Variants in SORCS1 observed in about 807,000 individuals in gnomAD.
The protein encoded by SORCS1 is sortilin related VPS10 domain containing receptor 1, also known as VPS10 domain-containing receptor SorCS1.
SORCS1 carries 60 observed loss-of-function variants against 146.1 expected under a neutral mutation model. The ratio of observed to expected loss-of-function variants is 0.41; its 90% CI spans 0.33 to 0.51. The LOEUF is 0.51. Ranked by LOEUF, SORCS1 falls within the 20% of genes least tolerant of loss-of-function variation. The pLI is 0.21. For synonymous variants in SORCS1, 637 were observed against 584.0 expected (o/e 1.09, Z -1.31); for missense variants, 1,352 against 1,487.6 (o/e 0.91, Z 1.50).
intron 5 of SORCS1, among the ~76,000 whole-genome samples, chr10:106,734,875 T>A (rs529901646): frequency 6.8e-4 from 104 of 152,276 alleles, no homozygotes; most frequent in Non-Finnish European, 1.2e-3. Context: ...TATGCTGGTA[T>A]TAAAAAACTC....
At chr10:107,007,717 C>T (rs1957515385) in intron 1 of SORCS1, among the ~76,000 whole-genome samples, 1 of 152,218 alleles carries the variant, frequency 6.6e-6, no homozygotes, top group Non-Finnish European at 1.5e-5. Context: ...AAAACTCAGA[C>T]CTGTGTTTGT....
At chr10:106,940,170 C>A (rs1469164626) in intron 2 of SORCS1, among the ~76,000 whole-genome samples, 2 of 152,206 alleles carry the variant, frequency 1.3e-5, no homozygotes, top group African/African-American at 4.8e-5. Context: ...CTGTCACCTC[C>A]CTCAAGTGCA....
intron 1 of SORCS1, among the ~76,000 whole-genome samples, chr10:107,125,886 G>C (rs891652232): frequency 6.6e-6 from 1 of 152,102 alleles, no homozygotes; most frequent in Non-Finnish European, 1.5e-5. Context: ...CATCATTATG[G>C]GAAATGCTTC....
At chr10:106,788,046 G>A (rs1338560761) in intron 3 of SORCS1, among the ~76,000 whole-genome samples, 1 of 152,156 alleles carries the variant, frequency 6.6e-6, no homozygotes, top group East Asian at 1.9e-4. Flanking sequence ...GCCTTTGAAA[G>A]TCTTGGCTTA....
chr10:106,722,724 G>A (rs1855870827), intron 6 of SORCS1, among the ~76,000 whole-genome samples: 1 of 152,146 alleles, frequency 6.6e-6, no homozygotes, highest in Non-Finnish European at 1.5e-5. Flanking sequence ...TGCGGGTTGG[G>A]CCTTTTATTT....
At chr10:106,759,314 T>TC (rs1231286788) in intron 5 of SORCS1, among the ~76,000 whole-genome samples, 3 of 152,272 alleles carry the variant, frequency 2.0e-5, no homozygotes, top group African/African-American at 7.2e-5. Flanking sequence ...TCCTAAAAGG[T>TC]CACTGTCACA....
intron 5 of SORCS1, among the ~76,000 whole-genome samples, chr10:106,754,205 G>C (rs1297504200): frequency 6.6e-6 from 1 of 152,198 alleles, no homozygotes; most frequent in Admixed American, 6.5e-5. Flanking sequence ...TTAATGCTAG[G>C]AGTTTTTCTG....
At chr10:106,638,593 A>G (rs1034190991) in intron 18 of SORCS1, among the ~76,000 whole-genome samples, 1 of 152,206 alleles carries the variant, frequency 6.6e-6, no homozygotes, top group Admixed American at 6.5e-5. Flanking sequence ...AGCATTATGC[A>G]GTCAATATGT....
At chr10:107,071,954 C>T (rs1198136686) in intron 1 of SORCS1, among the ~76,000 whole-genome samples, 2 of 152,144 alleles carry the variant, frequency 1.3e-5, no homozygotes, top group African/African-American at 4.8e-5. Flanking sequence ...AGAGGAGAGA[C>T]CCAATGAGGT....
chr10:107,003,503 T>C (rs185295483), intron 1 of SORCS1, among the ~76,000 whole-genome samples: 365 of 151,582 alleles, frequency 2.4e-3, no homozygotes, highest in Non-Finnish European at 3.5e-3. Context: ...TCCTCTTAGC[T>C]ATCTCATACA....
chr10:106,957,494 A>G (rs993187439), intron 1 of SORCS1, among the ~76,000 whole-genome samples: 1 of 151,928 alleles, frequency 6.6e-6, no homozygotes, highest in African/African-American at 2.4e-5. Context: ...CTTAAATGTT[A>G]ATTCCTTCCC....
chr10:106,898,655 G>T (rs1445840126), intron 2 of SORCS1, among the ~76,000 whole-genome samples: 4 of 152,188 alleles, frequency 2.6e-5, no homozygotes, highest in South Asian at 2.1e-4. Context: ...GCTGACAGCA[G>T]CTGGAGCCAG....
intron 25 of SORCS1, 90 bp downstream of exon 25, chr10:106,579,279 C>A: frequency 6.2e-7 from 1 of 1,614,088 alleles, no homozygotes; most frequent in South Asian, 1.1e-5. Context: ...ACCATCACTG[C>A]TATGCACATC....
chr10:106,902,752 T>C (rs1434865351), intron 2 of SORCS1, among the ~76,000 whole-genome samples: 2 of 152,204 alleles, frequency 1.3e-5, no homozygotes, highest in Non-Finnish European at 2.9e-5. Flanking sequence ...CTATAGGTGG[T>C]TATTCCTGCA....
At chr10:106,884,635 A>G (rs886640742) in intron 2 of SORCS1, among the ~76,000 whole-genome samples, 1 of 152,216 alleles carries the variant, frequency 6.6e-6, no homozygotes, top group Admixed American at 6.5e-5. Flanking sequence ...AGCCCATACC[A>G]GACAAATTAA....
intron 7 of SORCS1, among the ~76,000 whole-genome samples, 188 bp from the exon 8 acceptor site, chr10:106,706,822 G>A (rs1040834703): frequency 1.3e-5 from 2 of 152,162 alleles, no homozygotes; most frequent in Admixed American, 6.5e-5. Context: ...GCTGGTCAGC[G>A]GCCCAAACTG....
chr10:106,825,414 G>A (rs1175112439), intron 3 of SORCS1, among the ~76,000 whole-genome samples: 1 of 151,756 alleles, frequency 6.6e-6, no homozygotes, highest in Non-Finnish European at 1.5e-5. Flanking sequence ...TGGGACTACA[G>A]GCACCCGCCA....
intron 1 of SORCS1, among the ~76,000 whole-genome samples, chr10:107,135,380 C>A (rs1474385802): frequency 2.6e-5 from 4 of 152,198 alleles, no homozygotes; most frequent in African/African-American, 9.6e-5. Context: ...CTGATATCCT[C>A]TTCTCATTAA....
rs372789294 is a variant in SORCS1, at chr10:106,962,389, C to T, written c.559-5809G>A. Among the ~76,000 whole-genome samples the T allele has an allele frequency of 1.4e-3, 69 of 50,122 alleles. 1 individual carries two copies. The highest frequency in any genetic ancestry group is 5.1e-3 in the African/African-American group (68 of 13,464). The allele number at this position is 50,122 out of a possible 152,430, so 32.9% of individuals were successfully genotyped here. On this transcript the variant is annotated intron_variant, in intron 1 of 25. Coordinates refer to ENST00000263054, the MANE Select transcript of SORCS1 (RefSeq NM_052918.5). ...AGCCTGGGCAACAAGAGCAAAACTC[C>T]ATCTCAAAAAAAAAAAAAAAAAAAA...
Sources: gnomAD v4.1 joint callset for allele counts (sites outside exome capture counted in the v4.1 genomes callset) on GRCh38, gnomAD v4.1.1 for gene constraint, MANE v1.5 for transcripts, NCBI Gene and HGNC (gene_info 2026-07-23, HGNC 2026-07-21) for gene names.